The following PCLO variants were observed in gnomAD, a reference collection of about 807,000 sequenced individuals.
PCLO encodes the protein protein piccolo.
A neutral mutation model predicts 427.5 loss-of-function variants in PCLO; 82 were observed. The ratio of observed to expected loss-of-function variants is 0.19; its 90% confidence interval spans 0.16 to 0.23. PCLO has a LOEUF of 0.23. PCLO is among the 10% of genes least tolerant of loss of function. The pLI is 1.00. For missense variants in PCLO, 6,239 were observed against 6,115.9 expected (o/e 1.02, Z -0.67); for synonymous variants, 2,357 against 2,155.4 (o/e 1.09, Z -2.59).
chr7:83,052,583 A>G (rs1333090779), intron 3 of PCLO, among the ~76,000 whole-genome samples: 1 of 151,984 alleles, frequency 6.6e-6, no homozygotes, highest in Non-Finnish European at 1.5e-5. Context: ...TTCCAAACTC[A>G]TATTTGTAAA....
chr7:82,955,676 C>G lies in PCLO; in HGVS notation c.5277G>C (p.Arg1759=). Residue 1759 remains arginine, a synonymous_variant, in exon 5 of 25, where the codon CGG becomes CGC. Coordinates refer to ENST00000333891, the MANE Select transcript of PCLO (RefSeq NM_033026.6). ...KGESKQQRKA[R]HRPHGPLLPT... ...GCAAAAGAGGGCCATGTGGTCTGTG[C>G]CGAGCTTTGCGTTGCTGTTTGCTCT... 4 of 1,613,982 alleles carry G rather than the reference C, an allele frequency of 2.5e-6. No homozygotes were observed. The highest frequency in any genetic ancestry group is 3.4e-6 in the Non-Finnish European group (4 of 1,179,890).
intron 22 of PCLO, among the ~76,000 whole-genome samples, chr7:82,799,482 G>C (rs1791296374): frequency 6.6e-6 from 1 of 152,202 alleles, no homozygotes; most frequent in Non-Finnish European, 1.5e-5. Flanking sequence ...AAATTGGGGA[G>C]AGGGTGAATT....
chr7:83,151,874 G>A (rs1792139050), intron 2 of PCLO, among the ~76,000 whole-genome samples: 1 of 151,836 alleles, frequency 6.6e-6, no homozygotes, highest in African/African-American at 2.4e-5. Flanking sequence ...TTCCTCATTG[G>A]TATAATAGAG....
intron 6 of PCLO, among the ~76,000 whole-genome samples, chr7:82,928,435 A>G (rs1229832568): frequency 6.6e-6 from 1 of 152,196 alleles, no homozygotes; most frequent in African/African-American, 2.4e-5. Context: ...AAAACTACAC[A>G]GGTCTGTTAA....
At chr7:82,890,801 C>T (rs1338216972) in intron 9 of PCLO, among the ~76,000 whole-genome samples, 4 of 151,596 alleles carry the variant, frequency 2.6e-5, no homozygotes, top group Non-Finnish European at 5.9e-5. Context: ...ATTATAAACA[C>T]TTATAATCAA....
intron 3 of PCLO, among the ~76,000 whole-genome samples, chr7:83,084,968 C>T (rs1312952051): frequency 6.6e-6 from 1 of 152,098 alleles, no homozygotes; most frequent in Non-Finnish European, 1.5e-5. Flanking sequence ...GAATATGACT[C>T]ATTATAATTT....
chr7:83,161,730 A>G (rs897509933), intron 1 of PCLO, among the ~76,000 whole-genome samples: 1 of 152,252 alleles, frequency 6.6e-6, no homozygotes, highest in East Asian at 1.9e-4. Context: ...ATATATGTAC[A>G]GCACCTGCTC....
Position 82,956,111 on chromosome 7 carries a change from T to G in PCLO, c.4842A>C (p.Lys1614Asn), listed in dbSNP as rs747487430. Residue 1614 changes from lysine to asparagine, a missense_variant, in exon 5 of 25, where the codon AAA (lysine) becomes AAC (asparagine). Coordinates refer to ENST00000333891, the MANE Select transcript of PCLO (RefSeq NM_033026.6). ...TAGKHRRLTRKSSTSIDEDAG... is the reference protein window; with the variant it reads ...TAGKHRRLTRNSSTSIDEDAG... The stretch of plus-strand genomic sequence containing the variant: ...CATCTTCATCAATGCTTGTGCTACT[T>G]TTTCGAGTCAGTCGTCTGTGTTTCC... The G allele has an allele frequency of 6.2e-7, 1 of 1,610,342 alleles. No homozygotes were observed. Among genetic ancestry groups the G allele is most frequent in the Non-Finnish European group, 8.5e-7 (1 of 1,179,862 alleles).
intron 3 of PCLO, among the ~76,000 whole-genome samples, chr7:83,057,093 T>C (rs1031631951): frequency 1.3e-5 from 2 of 150,268 alleles, no homozygotes; most frequent in East Asian, 3.9e-4. Context: ...TATATATATA[T>C]ATTTTTTTGA....
At chr7:83,010,826 T>A (rs563301102) in intron 3 of PCLO, among the ~76,000 whole-genome samples, 1 of 152,072 alleles carries the variant, frequency 6.6e-6, no homozygotes, top group South Asian at 2.1e-4. Flanking sequence ...TCTCTAAATC[T>A]TTTTTCCAAT....
At chr7:83,021,963 T>C (rs1048730898) in intron 3 of PCLO, among the ~76,000 whole-genome samples, 1 of 152,214 alleles carries the variant, frequency 6.6e-6, no homozygotes, top group Non-Finnish European at 1.5e-5. Flanking sequence ...TAAACAAATT[T>C]AAAAATATTC....
At chr7:82,981,242 T>TAA (rs918139750) in intron 3 of PCLO, among the ~76,000 whole-genome samples, 1 of 142,430 alleles carries the variant, frequency 7.0e-6, no homozygotes. Context: ...ACCTGACCAT[T>TAA]AAAAAAAAAA....
chr7:83,135,021 T>C lies in PCLO; in HGVS notation c.2529A>G (p.Gln843=). 3.1e-6 allele frequency: 5 copies of C among 1,613,956 alleles called. No homozygotes were observed. Among genetic ancestry groups the C allele is most frequent in the Non-Finnish European group, 4.2e-6 (5 of 1,179,876 alleles). Reference sequence around the variant, plus strand: ...TCTTTTGTACGGGGTCAACTTGTTTTTGACCTTTGCTCTCTGAACTGGGAC... The same window carrying C: ...TCTTTTGTACGGGGTCAACTTGTTTCTGACCTTTGCTCTCTGAACTGGGAC... The part of the protein sequence containing the change: ...HPGPSSESKG[Q]KQVDPVQKKE... Residue 843 remains glutamine, a synonymous_variant, in exon 3 of 25, where the codon CAA becomes CAG. Coordinates refer to ENST00000333891, the MANE Select transcript of PCLO (RefSeq NM_033026.6).
intron 3 of PCLO, among the ~76,000 whole-genome samples, chr7:83,125,375 C>A (rs144980581): frequency 6.6e-6 from 1 of 152,180 alleles, no homozygotes; most frequent in Non-Finnish European, 1.5e-5. Flanking sequence ...CGGCCACCAC[C>A]CCATCTGGGA....
Position 82,767,464 on chromosome 7 carries a change from C to T in PCLO, c.15008-5971G>A, listed in dbSNP as rs191060561. ...AAAATGGAGATGCCAGATCTAAGAA[C>T]ACTAATAATCACATTTTAAAACTAT... On this transcript the variant is annotated intron_variant, in intron 22 of 24. Transcript: ENST00000333891. Among the ~76,000 whole-genome samples the T allele has an allele frequency of 9.9e-5, 15 of 151,982 alleles. No individual in the cohort carries two copies. In the East Asian group the frequency reaches 2.9e-3, roughly 29 times the overall value.
intron 17 of PCLO, among the ~76,000 whole-genome samples, chr7:82,827,289 T>C (rs938668385): frequency 6.6e-6 from 1 of 152,058 alleles, no homozygotes; most frequent in Non-Finnish European, 1.5e-5. Flanking sequence ...AGCAAAGATA[T>C]AAAAATGCAG....
At chr7:83,037,989 TTATATATATATATATATATATATATA>T (rs1161030427) in intron 3 of PCLO, among the ~76,000 whole-genome samples, 1 of 13,596 alleles carries the variant, frequency 7.4e-5, no homozygotes, top group Non-Finnish European at 1.2e-4. Flanking sequence ...AAGGAGGAGC[TTATATATATATATATATATATATATA>T]TATATATATA....
At chr7:82,957,964 T>A (rs2115591369) in intron 4 of PCLO, among the ~76,000 whole-genome samples, 1 of 152,276 alleles carries the variant, frequency 6.6e-6, no homozygotes, top group Non-Finnish European at 1.5e-5. Flanking sequence ...TAAATAAACA[T>A]TAAATACAGA....
intron 3 of PCLO, among the ~76,000 whole-genome samples, chr7:83,106,067 A>G (rs370650679): frequency 1.8e-3 from 270 of 152,346 alleles, no homozygotes; most frequent in African/African-American, 6.2e-3. Context: ...ATCGAGATGC[A>G]GAAGCAGCCA....
Sources: allele counts gnomAD v4.1 joint callset (sites outside exome capture counted in the v4.1 genomes callset), GRCh38; gene constraint gnomAD v4.1.1; transcripts MANE v1.5; gene names NCBI Gene and HGNC (gene_info 2026-07-23, HGNC 2026-07-21).